The following RHOT1 variants were observed in gnomAD, a reference collection of about 807,000 sequenced individuals.
The protein encoded by RHOT1 is ras homolog family member T1, also known as mitochondrial Rho GTPase 1.
A neutral mutation model predicts 95.3 loss-of-function variants in RHOT1; 27 were observed. The ratio of observed to expected loss-of-function variants is 0.28; its 90% CI spans 0.21 to 0.39. The LOEUF (loss-of-function observed/expected upper bound fraction) is 0.39, where lower values mean the gene tolerates loss of function less well. Among genes scored for constraint, RHOT1 ranks in the 10% least tolerant of loss-of-function variants. The pLI is 1.00. For synonymous variants in RHOT1, 227 were observed against 263.5 expected (o/e 0.86, Z 1.34); for missense variants, 578 against 786.7 (o/e 0.73, Z 3.17).
chr17:32,199,769 A>G (rs993678496), intron 13 of RHOT1, among the ~76,000 whole-genome samples: 15 of 152,192 alleles, frequency 9.9e-5, no homozygotes, highest in African/African-American at 3.6e-4. Context: ...TATAGGGAAA[A>G]AGTAGTAAGT....
At chr17:32,212,968 A>G (rs2038228480) in intron 19 of RHOT1, among the ~76,000 whole-genome samples, 1 of 152,154 alleles carries the variant, frequency 6.6e-6, no homozygotes, top group African/African-American at 2.4e-5. Context: ...AATAGAAAGC[A>G]GTGTTGCAGT....
intron 9 of RHOT1, among the ~76,000 whole-genome samples, chr17:32,192,693 A>G (rs1377706633): frequency 1.4e-5 from 2 of 140,638 alleles, no homozygotes; most frequent in Non-Finnish European, 3.0e-5. Flanking sequence ...TGTTTTTGAG[A>G]TAGAGTCTCG....
chr17:32,200,847 C>G, intron 13 of RHOT1, 109 bp from the exon 14 acceptor site: 2 of 689,428 alleles, frequency 2.9e-6, no homozygotes, highest in East Asian at 2.8e-5. Context: ...GTAGTCTAGA[C>G]AAAAATTATC....
At chr17:32,152,408 G>A (rs1180733086) in intron 1 of RHOT1, among the ~76,000 whole-genome samples, 1 of 152,304 alleles carries the variant, frequency 6.6e-6, no homozygotes, top group Non-Finnish European at 1.5e-5. Flanking sequence ...GACATAGGGA[G>A]TCCATGGGAA....
intron 10 of RHOT1, 121 bp downstream of exon 10, chr17:32,193,365 A>G (rs1364258753): frequency 1.6e-5 from 11 of 683,388 alleles, no homozygotes; most frequent in Non-Finnish European, 2.1e-5. Flanking sequence ...TAGTATGCCT[A>G]AAGTCTGATT....
chr17:32,189,141 A>G (rs2036273260), intron 8 of RHOT1, among the ~76,000 whole-genome samples: 1 of 152,184 alleles, frequency 6.6e-6, no homozygotes, highest in Non-Finnish European at 1.5e-5. Context: ...TACTAAAAAT[A>G]CAAAAAAATT....
chr17:32,211,077 G>A (rs768413493), intron 18 of RHOT1, 39 bp from the exon 19 acceptor site: 35 of 1,559,010 alleles, frequency 2.2e-5, no homozygotes, highest in Non-Finnish European at 2.9e-5. Context: ...ATATTTGTAA[G>A]TAAGAACTCA....
At chr17:32,186,713 G>C (rs1468351232) in intron 8 of RHOT1, among the ~76,000 whole-genome samples, 3 of 152,124 alleles carry the variant, frequency 2.0e-5, no homozygotes, top group Non-Finnish European at 4.4e-5. Context: ...CCAGGCTGGA[G>C]TACAGTGGCA....
intron 1 of RHOT1, among the ~76,000 whole-genome samples, chr17:32,158,962 A>AGTG (rs1329095871): frequency 6.6e-6 from 1 of 152,028 alleles, no homozygotes; most frequent in African/African-American, 2.4e-5. Context: ...CTGGAGCAGC[A>AGTG]GTGGTGGTGG....
intron 1 of RHOT1, among the ~76,000 whole-genome samples, chr17:32,153,020 T>G (rs1222635852): frequency 6.6e-6 from 1 of 152,214 alleles, no homozygotes; most frequent in East Asian, 1.9e-4. Flanking sequence ...CAGGCTGGTC[T>G]AGAACTCCTG....
chr17:32,206,698 C>A (rs1053825765), intron 16 of RHOT1, among the ~76,000 whole-genome samples: 1 of 151,890 alleles, frequency 6.6e-6, no homozygotes, highest in African/African-American at 2.4e-5. Context: ...TGTGATCCGC[C>A]CACCTCGGCC....
At chr17:32,154,183 T>C (rs1251349389) in intron 1 of RHOT1, among the ~76,000 whole-genome samples, 2 of 150,330 alleles carry the variant, frequency 1.3e-5, no homozygotes, top group Non-Finnish European at 3.0e-5. Context: ...GGCTCATGCC[T>C]GTAACCCCAG....
At chr17:32,175,919 T>G in intron 4 of RHOT1, 43 bp from the exon 5 acceptor site, 2 of 1,364,070 alleles carry the variant, frequency 1.5e-6, no homozygotes, top group Non-Finnish European at 2.0e-6. Flanking sequence ...GTCTATGTTT[T>G]TATTATTTTT....
At chr17:32,171,742 C>T (rs1356024978) in intron 2 of RHOT1, among the ~76,000 whole-genome samples, 1 of 152,088 alleles carries the variant, frequency 6.6e-6, no homozygotes. Flanking sequence ...GTGTTTTTGT[C>T]GGAACCACTA....
At chr17:32,165,112 A>G (rs1460676353) in intron 1 of RHOT1, among the ~76,000 whole-genome samples, 2 of 152,152 alleles carry the variant, frequency 1.3e-5, no homozygotes, top group Non-Finnish European at 2.9e-5. Flanking sequence ...AGGCCAAGGC[A>G]GGCGGATCAC....
chr17:32,160,195 A>G (rs750678622), intron 1 of RHOT1: 2 of 151,808 alleles, frequency 1.3e-5, no homozygotes, highest in South Asian at 2.1e-4. Context: ...GAGAGGAACT[A>G]CCCTCTCTGC....
chr17:32,210,292 G>C (rs1362432385), intron 18 of RHOT1, among the ~76,000 whole-genome samples: 1 of 152,134 alleles, frequency 6.6e-6, no homozygotes, highest in Non-Finnish European at 1.5e-5. Flanking sequence ...AGTCATTGGA[G>C]ACCCCCTACT....
intron 16 of RHOT1, among the ~76,000 whole-genome samples, chr17:32,205,907 A>G (rs770107127): frequency 5.3e-5 from 8 of 152,218 alleles, no homozygotes; most frequent in Non-Finnish European, 1.0e-4. Flanking sequence ...AAATTTTATA[A>G]TAAGCACCGA....
At chr17:32,151,782 T>C (rs971275815) in intron 1 of RHOT1, among the ~76,000 whole-genome samples, 1 of 149,466 alleles carries the variant, frequency 6.7e-6, no homozygotes, top group African/African-American at 2.5e-5. Flanking sequence ...CATTGGAGGC[T>C]GAGGCAGGAG....
Sources: allele counts gnomAD v4.1 joint callset (sites outside exome capture counted in the v4.1 genomes callset), GRCh38; gene constraint gnomAD v4.1.1; transcripts MANE v1.5; gene names NCBI Gene and HGNC (gene_info 2026-07-23, HGNC 2026-07-21).